Variants in ORC3 observed in about 807,000 individuals in gnomAD.
ORC3 encodes origin recognition complex subunit 3.
A neutral mutation model predicts 100.7 loss-of-function variants in ORC3; 78 were observed. That is an observed-to-expected ratio of 0.77 (90% CI 0.65 to 0.94). The LOEUF (loss-of-function observed/expected upper bound fraction) is 0.94. Ranked by LOEUF, ORC3 falls within the 40% of genes least tolerant of loss-of-function variation. The pLI is 0.00. For synonymous variants in ORC3, 295 were observed against 289.3 expected (o/e 1.02, Z -0.20); for missense variants, 789 against 823.9 (o/e 0.96, Z 0.52).
the ORC3 span, chr6:87,675,671 C>G: frequency 1.3e-6 from 2 of 1,594,730 alleles, no homozygotes; most frequent in South Asian, 2.2e-5. Context: ...AATACTAGAT[C>G]TTGATTCCCA....
At position 87,632,370 on chromosome 6, in the gene ORC3, C is replaced by T. The variant is rs2128276207; in HGVS notation, c.1186-2475C>T. ...TGGAGATTAGGTTCTAAAGTCAGCACATAAGGTGAAGATCTGGGATGGTCA... is the reference window on the plus strand; with the variant it reads ...TGGAGATTAGGTTCTAAAGTCAGCATATAAGGTGAAGATCTGGGATGGTCA... On this transcript the variant is annotated intron_variant, in intron 11 of 19. Coordinates refer to ENST00000392844, the MANE Select transcript of ORC3 (RefSeq NM_012381.4). Among the ~76,000 whole-genome samples the T allele has an allele frequency of 2.7e-5, 4 of 150,650 alleles. No individual in the cohort carries two copies. In the South Asian group the frequency reaches 8.5e-4, roughly 32 times the overall value.
chr6:87,637,952 G>A (rs913602532), intron 13 of ORC3, among the ~76,000 whole-genome samples: 3 of 152,144 alleles, frequency 2.0e-5, no homozygotes, highest in Non-Finnish European at 2.9e-5. Flanking sequence ...TACCCCCTGA[G>A]GAATCTGAAA....
chr6:87,604,840 G>C (rs1216558032), intron 4 of ORC3, among the ~76,000 whole-genome samples: 1 of 151,368 alleles, frequency 6.6e-6, no homozygotes, highest in African/African-American at 2.4e-5. Context: ...TTTATTCTTT[G>C]GCTCTCCTAG....
In ORC3 at chr6:87,663,009, C is replaced by T; in HGVS notation, c.1698C>T (p.Tyr566=). The T allele has an allele frequency of 7.5e-6, 12 of 1,601,240 alleles. No individual in the cohort carries two copies. Among genetic ancestry groups the T allele is most frequent in the Non-Finnish European group, 1.0e-5 (12 of 1,171,748 alleles). Residue 566 remains tyrosine (Y), a synonymous_variant, in exon 17 of 20, where the codon TAC becomes TAT. Coordinates refer to ENST00000392844, the MANE Select transcript of ORC3 (RefSeq NM_012381.4). The stretch of plus-strand genomic sequence containing the variant: ...GCCTGACTGGCTGTTTCAGAGAATA[C>T]CTTCTGCCTCCTGAGACACAGCCTC... ...VNFIDCLVRE[Y]LLPPETQPLH... is the part of the protein sequence containing the mutation.
chr6:87,617,917 C>T (rs1182782578), intron 9 of ORC3, among the ~76,000 whole-genome samples: 1 of 152,052 alleles, frequency 6.6e-6, no homozygotes. Flanking sequence ...TGTATCTTTT[C>T]CTCCCAACTT....
intron 13 of ORC3, among the ~76,000 whole-genome samples, chr6:87,650,199 G>T (rs111797854): frequency 1.2e-4 from 18 of 151,640 alleles, no homozygotes; most frequent in Admixed American, 9.9e-4. Flanking sequence ...GACTACAAGT[G>T]TGCGCCACCA....
chr6:87,642,483 T>C (rs1768346740), intron 13 of ORC3, among the ~76,000 whole-genome samples: 1 of 151,760 alleles, frequency 6.6e-6, no homozygotes, highest in South Asian at 2.1e-4. Flanking sequence ...CTCAGGAGGC[T>C]GAGGCAGGAG....
chr6:87,665,380 T>C (rs1223649476), intron 18 of ORC3, among the ~76,000 whole-genome samples: 2 of 152,168 alleles, frequency 1.3e-5, no homozygotes, highest in African/African-American at 4.8e-5. Flanking sequence ...AGATCTTAAC[T>C]CTATTAAAGG....
chr6:87,593,021 A>T (rs1777153765), intron 1 of ORC3, among the ~76,000 whole-genome samples: 2 of 152,162 alleles, frequency 1.3e-5, no homozygotes, highest in South Asian at 4.1e-4. Context: ...TGAACCCGGG[A>T]GGCAAAGGTT....
intron 13 of ORC3, among the ~76,000 whole-genome samples, chr6:87,649,758 A>T (rs772934757): frequency 3.3e-5 from 5 of 152,208 alleles, no homozygotes; most frequent in Non-Finnish European, 5.9e-5. Context: ...AATAAAAATA[A>T]AAATAAAATT....
chr6:87,622,890 C>T (rs186881995), intron 11 of ORC3, among the ~76,000 whole-genome samples: 1 of 152,074 alleles, frequency 6.6e-6, no homozygotes, highest in Non-Finnish European at 1.5e-5. Flanking sequence ...AAGAACATGC[C>T]TCTTACTGAT....
intron 13 of ORC3, among the ~76,000 whole-genome samples, chr6:87,638,662 A>T (rs1768001707): frequency 6.6e-6 from 1 of 152,224 alleles, no homozygotes; most frequent in Admixed American, 6.5e-5. Flanking sequence ...AGCACTTGTG[A>T]TACCACAAAT....
chr6:87,663,351 G>T (rs1770354470), intron 17 of ORC3, among the ~76,000 whole-genome samples: 1 of 152,182 alleles, frequency 6.6e-6, no homozygotes, highest in Non-Finnish European at 1.5e-5. Context: ...AACTGTTGCT[G>T]CCAGTTTTTG....
intron 7 of ORC3, 43 bp from the exon 8 acceptor site, chr6:87,612,046 T>G (rs1778809136): frequency 1.3e-6 from 2 of 1,565,068 alleles, no homozygotes; most frequent in African/African-American, 2.7e-5. Flanking sequence ...TGAAATATAT[T>G]TGCTAAATAA....
rs1375335283 is a variant in ORC3, at chr6:87,601,366, T to A, written c.80-418T>A. 2.0e-5 allele frequency among the ~76,000 whole-genome samples: 3 copies of A among 152,286 alleles called. No homozygotes were observed. The South Asian group carries it at 6.2e-4, about 32-fold the overall frequency. On this transcript the variant is annotated intron_variant, in intron 2 of 19. Coordinates refer to ENST00000392844, the MANE Select transcript of ORC3 (RefSeq NM_012381.4). ...GTTACCTGTCCCCAAATATATGTTT[T>A]TGATGAATGTAAAAAAAATTAAGGC...
Position 87,612,118 on chromosome 6 carries a change from TC to T in ORC3, c.744del (p.Ile249PhefsTer4). The part of the protein sequence containing the change: ...SQHLHEFPLI[L>X]IFGIATSPII... ...CATCTCCATGAATTTCCACTAATAC[TC>T]ATTTTTGGAATAGCCACATCTCCTA... On this transcript the variant is annotated frameshift_variant, in exon 8 of 20. Transcript: ENST00000392844. LOFTEE classifies it high-confidence loss of function. 3 of 1,612,370 alleles carry T rather than the reference TC, an allele frequency of 1.9e-6. No homozygotes were observed. Among genetic ancestry groups the T allele is most frequent in the Non-Finnish European group, 2.5e-6 (3 of 1,179,592 alleles).
intron 9 of ORC3, among the ~76,000 whole-genome samples, chr6:87,618,557 C>T (rs1222724341): frequency 1.3e-5 from 2 of 152,052 alleles, no homozygotes; most frequent in African/African-American, 2.4e-5. Context: ...AAGTGTATGC[C>T]TAAGAAATAG....
rs1777469866 is a variant in ORC3, at chr6:87,596,668, A to G, written c.79+2261A>G. 2.6e-5 allele frequency among the ~76,000 whole-genome samples: 4 copies of G among 152,282 alleles called. 1 individual carries two copies. In the South Asian group the frequency reaches 8.3e-4, roughly 32 times the overall value. On this transcript the variant is annotated intron_variant, in intron 2 of 19. Coordinates refer to ENST00000392844, the MANE Select transcript of ORC3 (RefSeq NM_012381.4). ...TGTAAATTATACCTCAATAAAATTCAATTAATAAAAAAAGATACTGTCTTC... is the reference window on the plus strand; with the variant it reads ...TGTAAATTATACCTCAATAAAATTCGATTAATAAAAAAAGATACTGTCTTC...
chr6:87,640,799 G>A (rs1253064828), intron 13 of ORC3, among the ~76,000 whole-genome samples: 1 of 152,078 alleles, frequency 6.6e-6, no homozygotes, highest in Admixed American at 6.6e-5. Flanking sequence ...GGTTTTAAGG[G>A]TTATTGTAAA....
Sources: gnomAD v4.1 joint callset for allele counts (sites outside exome capture counted in the v4.1 genomes callset) on GRCh38, gnomAD v4.1.1 for gene constraint, MANE v1.5 for transcripts, NCBI Gene and HGNC (gene_info 2026-07-23, HGNC 2026-07-21) for gene names.